SYNRG: variants seen among roughly 807,000 people sequenced by gnomAD.
The protein encoded by SYNRG is synergin gamma, also known as AP1 gamma subunit binding protein 1.
In SYNRG, 37 loss-of-function variants were observed where a neutral mutation model predicts 130.9. The ratio of observed to expected loss-of-function variants is 0.28; its 90% CI spans 0.22 to 0.37. The LOEUF (loss-of-function observed/expected upper bound fraction) is 0.37, where lower values mean the gene tolerates loss of function less well. SYNRG is among the 10% of genes least tolerant of loss of function. The pLI, the probability that SYNRG is intolerant of heterozygous loss-of-function variation, is 1.00. For synonymous variants in SYNRG, 539 were observed against 568.1 expected (o/e 0.95, Z 0.73); for missense variants, 1,338 against 1,588.9 (o/e 0.84, Z 2.68).
At chr17:37,570,953 C>A (rs931886863) in intron 9 of SYNRG, 68 bp from the exon 10 acceptor site, 1 of 1,515,852 alleles carries the variant, frequency 6.6e-7, no homozygotes, top group Non-Finnish European at 8.8e-7. Context: ...CTGGCAGAGA[C>A]CGAAAGGTAA....
At chr17:37,592,140 C>G (rs2062245765) in intron 3 of SYNRG, among the ~76,000 whole-genome samples, 1 of 152,048 alleles carries the variant, frequency 6.6e-6, no homozygotes, top group African/African-American at 2.4e-5. Context: ...TGGTCAGAAG[C>G]TATGAAAAGG....
chr17:37,581,142 C>T (rs1375632730), intron 6 of SYNRG, among the ~76,000 whole-genome samples: 1 of 152,156 alleles, frequency 6.6e-6, no homozygotes, highest in African/African-American at 2.4e-5. Context: ...ATATAAATGT[C>T]ACTGTGGCTT....
At chr17:37,569,783 C>A (rs2060281983) in intron 10 of SYNRG, among the ~76,000 whole-genome samples, 1 of 150,706 alleles carries the variant, frequency 6.6e-6, no homozygotes, top group Non-Finnish European at 1.5e-5. Flanking sequence ...CATACATGTA[C>A]AAAGAGTGGA....
At position 37,608,013 on chromosome 17, in the gene SYNRG, G is replaced by A. The variant is rs143184287; in HGVS notation, c.77+1266C>T. Among the ~76,000 whole-genome samples, 1,074 of 143,650 alleles carry A rather than the reference G, an allele frequency of 7.5e-3. 12 individuals carry two copies. Among genetic ancestry groups the A allele is most frequent in the Non-Finnish European group, 0.011 (730 of 65,200 alleles). The allele number at this position is 143,650 out of a possible 152,430, so 94.2% of individuals were successfully genotyped here. ...AAAGAAAAAGAAAAAACAAATAGAA[G>A]GGAATTATTACATATGTTTCTTCTC... is the stretch of plus-strand genomic sequence containing the variant. On this transcript the variant is annotated intron_variant, in intron 1 of 21. Transcript: ENST00000612223.
intron 6 of SYNRG, among the ~76,000 whole-genome samples, chr17:37,583,932 T>C (rs1398919339): frequency 6.6e-6 from 1 of 152,158 alleles, no homozygotes; most frequent in Non-Finnish European, 1.5e-5. Flanking sequence ...TGACCTCAAG[T>C]GATCCCACCT....
chr17:37,537,096 G>C (rs868481647), intron 18 of SYNRG: 2 of 152,220 alleles, frequency 1.3e-5, no homozygotes, highest in Non-Finnish European at 2.9e-5. Flanking sequence ...CCATTTCCTG[G>C]TGGACATCTG....
chr17:37,557,373 A>G (rs2059195308), intron 13 of SYNRG, among the ~76,000 whole-genome samples: 1 of 152,264 alleles, frequency 6.6e-6, no homozygotes, highest in South Asian at 2.1e-4. Context: ...AAGATTCTTC[A>G]TAAATTCTAA....
intron 21 of SYNRG, among the ~76,000 whole-genome samples, chr17:37,519,408 G>A (rs1241242586): frequency 6.6e-6 from 1 of 152,154 alleles, no homozygotes. Context: ...ATCCCTCACT[G>A]TGCTGAAGGA....
chr17:37,550,894 T>A (rs188432434), intron 14 of SYNRG, among the ~76,000 whole-genome samples: 11 of 152,298 alleles, frequency 7.2e-5, no homozygotes, highest in African/African-American at 2.6e-4. Flanking sequence ...TGCCGCAGAT[T>A]AAATTTAGTC....
chr17:37,563,252 T>C (rs962215323), intron 11 of SYNRG, among the ~76,000 whole-genome samples: 9 of 152,192 alleles, frequency 5.9e-5, no homozygotes, highest in Non-Finnish European at 1.2e-4. Context: ...TTCACACTAA[T>C]GAAAATACTC....
intron 6 of SYNRG, among the ~76,000 whole-genome samples, chr17:37,578,284 T>C (rs992707568): frequency 6.7e-6 from 1 of 150,140 alleles, no homozygotes; most frequent in Non-Finnish European, 1.5e-5. Flanking sequence ...TGAGCTGAAA[T>C]CACGCCACTG....
intron 8 of SYNRG, among the ~76,000 whole-genome samples, chr17:37,575,869 A>G (rs2060795123): frequency 1.3e-5 from 2 of 151,006 alleles, no homozygotes; most frequent in African/African-American, 2.4e-5. Flanking sequence ...AAGAGTAAAC[A>G]CTATCCTTCA....
At chr17:37,594,459 CTTCT>C (rs1426574721) in intron 3 of SYNRG, among the ~76,000 whole-genome samples, 21 of 137,738 alleles carry the variant, frequency 1.5e-4, no homozygotes, top group African/African-American at 5.5e-4. Context: ...TGCCTTTCTT[CTTCT>C]TTTTTTTTTT....
At chr17:37,562,069 T>C (rs1283643230) in intron 11 of SYNRG, among the ~76,000 whole-genome samples, 2 of 152,128 alleles carry the variant, frequency 1.3e-5, no homozygotes, top group Admixed American at 1.3e-4. Flanking sequence ...GGTAGAATAG[T>C]TGAGATAAAA....
rs756328436 is a variant in SYNRG at position 37,520,541 on chromosome 17, GCTC to G, written c.3771_3773del (p.Arg1257del). 2.5e-6 allele frequency: 4 copies of G among 1,613,828 alleles called. No homozygotes were observed. The highest frequency in any genetic ancestry group is 1.7e-5 in the Admixed American group (1 of 59,992). On this transcript the variant is annotated inframe_deletion, in exon 20 of 22. Transcript: ENST00000612223. ...GCAAGGAGGCTGCGTGACTTACCCG[GCTC>G]CTCGAGTCCACATTCAAGAGGCACA...
intron 6 of SYNRG, 26 bp downstream of exon 6, chr17:37,584,621 GA>G (rs769410765): frequency 5.7e-6 from 9 of 1,592,070 alleles, no homozygotes; most frequent in Non-Finnish European, 7.8e-6. Context: ...TCCCAGAAAA[GA>G]AAAATATAAT....
chr17:37,540,674 G>C, intron 15 of SYNRG, 131 bp from the exon 16 acceptor site: 1 of 1,010,016 alleles, frequency 9.9e-7, no homozygotes, highest in Non-Finnish European at 1.4e-6. Flanking sequence ...TTGCTCTGTC[G>C]CTCAGACTGG....
intron 13 of SYNRG, among the ~76,000 whole-genome samples, chr17:37,554,867 A>G (rs1430077310): frequency 6.6e-6 from 1 of 152,160 alleles, no homozygotes; most frequent in African/African-American, 2.4e-5. Context: ...TCTATTATAT[A>G]AAGTTTTAGA....
chr17:37,536,196 T>A, intron 18 of SYNRG, 69 bp from the exon 19 acceptor site: 1 of 1,500,192 alleles, frequency 6.7e-7, no homozygotes, highest in East Asian at 2.4e-5. Flanking sequence ...CAGGGGAGCA[T>A]TATTGCTTGC....
Sources: allele counts gnomAD v4.1 joint callset (sites outside exome capture counted in the v4.1 genomes callset), GRCh38; gene constraint gnomAD v4.1.1; transcripts MANE v1.5; gene names NCBI Gene and HGNC (gene_info 2026-07-23, HGNC 2026-07-21).